The following COL11A1 variants were observed in gnomAD, a reference collection of about 807,000 sequenced individuals.
COL11A1 encodes collagen type XI alpha 1 chain.
A neutral mutation model predicts 265.2 loss-of-function variants in COL11A1; 74 were observed. The ratio of observed to expected loss-of-function variants is 0.28; its 90% CI spans 0.23 to 0.34. COL11A1 has a LOEUF of 0.34. Among genes scored for constraint, COL11A1 ranks in the 10% least tolerant of loss-of-function variants. The pLI is 1.00. For missense variants in COL11A1, 2,165 were observed against 2,263.6 expected (o/e 0.96, Z 0.88); for synonymous variants, 816 against 727.6 (o/e 1.12, Z -1.96).
chr1:102,973,468 A>C (rs1662169984), intron 36 of COL11A1, among the ~76,000 whole-genome samples: 1 of 152,238 alleles, frequency 6.6e-6, no homozygotes, highest in South Asian at 2.1e-4. Context: ...ACATACAAAC[A>C]TAAATGGTAC....
chr1:102,895,007 AGT>A (rs35496168), intron 57 of COL11A1, among the ~76,000 whole-genome samples: 6 of 151,962 alleles, frequency 3.9e-5, no homozygotes, highest in East Asian at 1.9e-4. Context: ...AGTGTGTGTG[AGT>A]GTGTGTGTGT....
intron 1 of COL11A1, among the ~76,000 whole-genome samples, chr1:103,088,347 G>GT (rs67074206): frequency 0.31 from 47,008 of 151,294 alleles, 7,567 homozygotes; most frequent in African/African-American, 0.36. Context: ...ACTTCAAAGA[G>GT]TTTTTTTTTG....
At chr1:102,954,643 G>A (rs12084574) in intron 41 of COL11A1, among the ~76,000 whole-genome samples, 13,083 of 152,102 alleles carry the variant, frequency 0.086, 672 homozygotes, top group African/African-American at 0.14. Context: ...TCAGAAGCCC[G>A]AGACCAGCCT....
At chr1:103,080,565 A>T (rs1415354) in intron 2 of COL11A1, among the ~76,000 whole-genome samples, 1 of 151,812 alleles carries the variant, frequency 6.6e-6, no homozygotes, top group Non-Finnish European at 1.5e-5. Context: ...GGTATATGAA[A>T]AAAATGCTCA....
chr1:102,927,644 A>T (rs1656769149), intron 46 of COL11A1, among the ~76,000 whole-genome samples: 1 of 151,464 alleles, frequency 6.6e-6, no homozygotes, highest in African/African-American at 2.4e-5. Context: ...CGCCGTCTCA[A>T]AAAAACAAAA....
At chr1:103,011,683 G>A (rs911282850) in intron 14 of COL11A1, among the ~76,000 whole-genome samples, 7 of 151,650 alleles carry the variant, frequency 4.6e-5, no homozygotes, top group East Asian at 3.9e-4. Context: ...AGAATAATAC[G>A]TTCTGTAAAT....
chr1:103,098,210 T>A (rs1267199012), intron 1 of COL11A1, among the ~76,000 whole-genome samples: 3 of 151,934 alleles, frequency 2.0e-5, no homozygotes, highest in Admixed American at 2.0e-4. Context: ...ATTTTCTATA[T>A]TGTAATTAGT....
chr1:103,032,077 A>C (rs1430737255), intron 4 of COL11A1, among the ~76,000 whole-genome samples: 1 of 152,254 alleles, frequency 6.6e-6, no homozygotes, highest in East Asian at 1.9e-4. Context: ...AAACTAATTT[A>C]ATATAAATCT....
intron 7 of COL11A1, among the ~76,000 whole-genome samples, chr1:103,024,517 T>C (rs1448854223): frequency 6.6e-6 from 1 of 152,170 alleles, no homozygotes; most frequent in Admixed American, 6.5e-5. Flanking sequence ...AACCGTAATT[T>C]TTTTTGTATT....
At chr1:102,923,258 G>A in intron 47 of COL11A1, 78 bp downstream of exon 47, 2 of 1,157,914 alleles carry the variant, frequency 1.7e-6, no homozygotes, top group African/African-American at 1.5e-5. Flanking sequence ...AGTAATGAAA[G>A]AACACATAAT....
intron 65 of COL11A1, among the ~76,000 whole-genome samples, chr1:102,880,991 G>A (rs1650168859): frequency 6.6e-6 from 1 of 151,974 alleles, no homozygotes; most frequent in African/African-American, 2.4e-5. Flanking sequence ...GTCAATAAAA[G>A]TGGTTAATAT....
chr1:102,908,735 T>A (rs1439062262), intron 54 of COL11A1, among the ~76,000 whole-genome samples: 3 of 152,086 alleles, frequency 2.0e-5, no homozygotes, highest in African/African-American at 7.2e-5. Context: ...CCTATATATC[T>A]ATATAAAAAA....
chr1:103,073,845 T>C (rs1295073456), intron 4 of COL11A1, among the ~76,000 whole-genome samples: 1 of 151,962 alleles, frequency 6.6e-6, no homozygotes, highest in Non-Finnish European at 1.5e-5. Context: ...CATCAAAAAA[T>C]ATAGCAAATC....
At chr1:102,904,943 A>G (rs1259159040) in intron 54 of COL11A1, among the ~76,000 whole-genome samples, 1 of 152,104 alleles carries the variant, frequency 6.6e-6, no homozygotes, top group Non-Finnish European at 1.5e-5. Flanking sequence ...TAGCGGCACT[A>G]TTCACAATAG....
Position 103,006,526 on chromosome 1 carries a change from A to ATTTTTTTTTTTTT in COL11A1, c.1684-224_1684-212dup, listed in dbSNP as rs4013849. On this transcript the variant is annotated intron_variant, in intron 15 of 66. Transcript: ENST00000370096. ...ATACCTATTTTTTCTAAATGGCTCC[A>ATTTTTTTTTTTTT]TTTTTTTTTTTTTTTTTTTTTTTTT... is the stretch of plus-strand genomic sequence containing the variant. Among the ~76,000 whole-genome samples the ATTTTTTTTTTTTT allele has an allele frequency of 5.1e-4, 42 of 82,886 alleles. 5 individuals carry two copies. Among genetic ancestry groups the ATTTTTTTTTTTTT allele is most frequent in the South Asian group, 1.1e-3 (2 of 1,842 alleles). 54.4% of individuals were successfully genotyped at this position (82,886 alleles called of 152,430 possible).
chr1:103,047,020 A>T (rs1016832666), intron 4 of COL11A1, among the ~76,000 whole-genome samples: 1 of 152,124 alleles, frequency 6.6e-6, no homozygotes, highest in Non-Finnish European at 1.5e-5. Flanking sequence ...CTTGTAGTAT[A>T]GTTTGAAGTC....
At chr1:102,891,547 G>A (rs1651782539) in intron 57 of COL11A1, among the ~76,000 whole-genome samples, 1 of 151,778 alleles carries the variant, frequency 6.6e-6, no homozygotes. Context: ...TTTTCATACT[G>A]ATGACTTTCG....
At chr1:103,087,481 A>G (rs1293776665) in intron 1 of COL11A1, among the ~76,000 whole-genome samples, 1 of 152,190 alleles carries the variant, frequency 6.6e-6, no homozygotes, top group African/African-American at 2.4e-5. Flanking sequence ...TTCCTTGAAT[A>G]TACAACTTGG....
At chr1:103,044,962 A>G (rs950345779) in intron 4 of COL11A1, among the ~76,000 whole-genome samples, 1 of 152,148 alleles carries the variant, frequency 6.6e-6, no homozygotes, top group African/African-American at 2.4e-5. Context: ...TTCACTGATT[A>G]AGAGACACTG....
Sources: gnomAD v4.1 joint callset for allele counts (sites outside exome capture counted in the v4.1 genomes callset) on GRCh38, gnomAD v4.1.1 for gene constraint, MANE v1.5 for transcripts, NCBI Gene and HGNC (gene_info 2026-07-23, HGNC 2026-07-21) for gene names.